CELA2B: variants seen among roughly 807,000 people sequenced by gnomAD.
CELA2B encodes chymotrypsin-like elastase family member 2B.
Under a neutral mutation model 36.5 loss-of-function variants are expected in CELA2B, and 27 were observed. That is an observed-to-expected ratio of 0.74 (90% CI 0.55 to 1.02). The LOEUF (loss-of-function observed/expected upper bound fraction) is 1.02, where lower values mean the gene tolerates loss of function less well. CELA2B is among the 50% of genes least tolerant of loss of function. The pLI is 0.00. For missense variants in CELA2B, 340 were observed against 347.8 expected (o/e 0.98, Z 0.18); for synonymous variants, 143 against 148.5 (o/e 0.96, Z 0.27).
chr1:15,476,398 A>G (rs1708670471), intron 1 of CELA2B, 59 bp from the exon 2 acceptor site: 21 of 1,531,034 alleles, frequency 1.4e-5, no homozygotes, highest in Non-Finnish European at 1.8e-5. Flanking sequence ...TGCAGCATGT[A>G]TAGTTTACAT....
At chr1:15,482,700 C>T (rs894842827) in intron 4 of CELA2B, among the ~76,000 whole-genome samples, 15 of 152,276 alleles carry the variant, frequency 9.9e-5, no homozygotes, top group Non-Finnish European at 1.5e-4. Flanking sequence ...ACAGTGCTGT[C>T]GACCCTGTGA....
chr1:15,482,297 A>G lies in CELA2B; in HGVS notation c.260A>G (p.Gln87Arg), dbSNP rs1399260652. The G allele has an allele frequency of 1.2e-6, 2 of 1,614,040 alleles. No homozygotes were observed. The highest frequency in any genetic ancestry group is 1.7e-5 in the Admixed American group (1 of 60,016). ...GGGATCTACCGCGTGATGCTGGGCC[A>G]GCATAACCTCTACGTTGCAGAGTCC... is the stretch of plus-strand genomic sequence containing the variant. The part of the protein sequence containing the change: ...SSGIYRVMLG[Q>R]HNLYVAESGS... The change falls in exon 4 of 8, where the codon CAG becomes CGG. Residue 87 changes from glutamine (Q) to arginine (R), a missense_variant. Gln to Arg is a conservative substitution (Grantham distance 43, BLOSUM62 1). Coordinates refer to ENST00000375910, the MANE Select transcript of CELA2B (RefSeq NM_015849.3).
intron 7 of CELA2B, among the ~76,000 whole-genome samples, chr1:15,490,448 C>T (rs1374543735): frequency 6.6e-6 from 1 of 152,146 alleles, no homozygotes; most frequent in African/African-American, 2.4e-5. Flanking sequence ...TTCATGTTTC[C>T]TATTTTTCAC....
Position 15,487,293 on chromosome 1 carries a change from C to T in CELA2B, c.648C>T (p.Ser216=), listed in dbSNP as rs1009016274. 6.8e-6 allele frequency: 11 copies of T among 1,614,082 alleles called. No homozygotes were observed. The highest frequency in any genetic ancestry group is 2.7e-5 in the African/African-American group (2 of 74,958). The part of the protein sequence containing the change: ...DGVICTCNGD[S]GGPLNCQASD... ...ACTCTGGCCTTCCTCAGGGAGACTC[C>T]GGTGGGCCGCTGAACTGTCAGGCAT... The change falls in exon 7 of 8, where the codon TCC becomes TCT. Residue 216 remains serine, a synonymous_variant. Transcript: ENST00000375910.
intron 5 of CELA2B, among the ~76,000 whole-genome samples, chr1:15,484,129 T>C (rs12130370): frequency 0.53 from 80,874 of 151,882 alleles, 22,491 homozygotes; most frequent in African/African-American, 0.7. Context: ...CAGCATTTCC[T>C]CTGTGACCTG....
At chr1:15,488,950 A>T (rs1352212016) in intron 7 of CELA2B, among the ~76,000 whole-genome samples, 3 of 152,220 alleles carry the variant, frequency 2.0e-5, no homozygotes, top group Non-Finnish European at 2.9e-5. Context: ...TTGGAAAAAA[A>T]TGGAAAATCA....
intron 4 of CELA2B, 118 bp from the exon 5 acceptor site, chr1:15,483,146 G>A (rs577560545): frequency 3.3e-5 from 49 of 1,493,228 alleles, no homozygotes; most frequent in South Asian, 6.4e-5. Flanking sequence ...GGGCCCTGCC[G>A]GTCAGAGCAA....
Position 15,481,213 on chromosome 1 carries a change from G to C in CELA2B, c.227+18G>C, listed in dbSNP as rs1467459922. 1.2e-6 allele frequency: 2 copies of C among 1,614,014 alleles called. No individual in the cohort carries two copies. The highest frequency in any genetic ancestry group is 2.7e-5 in the African/African-American group (2 of 74,926). ...TGCATCAGGTAACTGCCATTCCCTG[G>C]GCGCTTGGCCTGCTCACCAGCCGGT... On this transcript the variant is annotated intron_variant, in intron 3 of 7. Coordinates refer to ENST00000375910, the MANE Select transcript of CELA2B (RefSeq NM_015849.3).
intron 7 of CELA2B, chr1:15,491,043 T>C (rs1260146570): frequency 1.1e-5 from 6 of 524,572 alleles, no homozygotes; most frequent in South Asian, 2.7e-5. Context: ...GAAGGCCCCC[T>C]GACCTGAAGC....
At chr1:15,486,589 T>A (rs777016600) in intron 6 of CELA2B, among the ~76,000 whole-genome samples, 9 of 152,338 alleles carry the variant, frequency 5.9e-5, no homozygotes, top group Non-Finnish European at 8.8e-5. Context: ...CATCAAGGTC[T>A]CTCGTGACTG....
chr1:15,490,895 C>A, intron 7 of CELA2B: 1 of 201,014 alleles, frequency 5.0e-6, no homozygotes, highest in Non-Finnish European at 1.0e-5. Flanking sequence ...TTAACAGATA[C>A]TGATCAACAG....
chr1:15,486,451 C>T (rs929647072), intron 6 of CELA2B, among the ~76,000 whole-genome samples: 1 of 152,128 alleles, frequency 6.6e-6, no homozygotes, highest in Non-Finnish European at 1.5e-5. Flanking sequence ...TGCACTCCAG[C>T]CTGGGTGACA....
chr1:15,480,243 T>A (rs1379971953), intron 2 of CELA2B, among the ~76,000 whole-genome samples: 1 of 152,120 alleles, frequency 6.6e-6, no homozygotes, highest in Non-Finnish European at 1.5e-5. Flanking sequence ...GGAGACGGCC[T>A]CACTCTGTCA....
rs1207988787 is a variant in CELA2B at position 15,487,448 on chromosome 1, G to A, written c.792+11G>A. 1 of 1,613,936 alleles carries A rather than the reference G, an allele frequency of 6.2e-7. No homozygotes were observed. Among genetic ancestry groups the A allele is most frequent in the African/African-American group, 1.3e-5 (1 of 74,932 alleles). ...GACTGGATCAATTCGGTAAGAACCG[G>A]AGCAGCCCTGAGCCCCAAGGCACTG... is the stretch of plus-strand genomic sequence containing the variant. On this transcript the variant is annotated intron_variant, in intron 7 of 7. Transcript: ENST00000375910.
Position 15,482,287 on chromosome 1 carries a change from A to G in CELA2B, c.250A>G (p.Met84Val), listed in dbSNP as rs1197317185. 4.3e-6 allele frequency: 7 copies of G among 1,613,974 alleles called. No homozygotes were observed. Among genetic ancestry groups the G allele is most frequent in the African/African-American group, 2.7e-5 (2 of 75,022 alleles). Residue 84 changes from methionine to valine, a missense_variant, in exon 4 of 8, where the codon ATG becomes GTG. Transcript: ENST00000375910. The stretch of plus-strand genomic sequence containing the variant: ...CAGCTCCTCCGGGATCTACCGCGTG[A>G]TGCTGGGCCAGCATAACCTCTACGT... ...CISSSGIYRVMLGQHNLYVAE... is the reference protein window; with the variant it reads ...CISSSGIYRVVLGQHNLYVAE...
rs1340921513 is a variant in CELA2B at position 15,491,317 on chromosome 1, AAG to A, written c.*7_*8del. ...CAGGTGATTGCAAATAACTAACCAA[AAG>A]AAGTCCCTGGGACTGTTTCAGACTT... On this transcript the variant is annotated 3_prime_UTR_variant, in exon 8 of 8. Transcript: ENST00000375910. The A allele has an allele frequency of 6.2e-7, 1 of 1,613,986 alleles. No individual in the cohort carries two copies. Among genetic ancestry groups the A allele is most frequent in the Non-Finnish European group, 8.5e-7 (1 of 1,180,006 alleles).
chr1:15,487,050 T>G (rs996459485), intron 6 of CELA2B, among the ~76,000 whole-genome samples: 1 of 152,156 alleles, frequency 6.6e-6, no homozygotes, highest in African/African-American at 2.4e-5. Flanking sequence ...ATTTACCTCA[T>G]AGGATTTTGT....
In CELA2B at chr1:15,476,467, T is replaced by C. The variant is rs28421187; in HGVS notation, c.51T>C (p.Cys17=). ...TTTCTCTTTTCACAGCCCTCAGTTG[T>C]GGGGTCTCCACTTACGCGCCTGATA... is the stretch of plus-strand genomic sequence containing the variant. The part of the protein sequence containing the change: ...LSTLVAGALS[C]GVSTYAPDMS... Residue 17 remains cysteine (C), a synonymous_variant, in exon 2 of 8, where the codon TGT becomes TGC. Coordinates refer to ENST00000375910, the MANE Select transcript of CELA2B (RefSeq NM_015849.3). 1.0e-4 allele frequency: 167 copies of C among 1,613,952 alleles called. No homozygotes were observed. Among genetic ancestry groups the C allele is most frequent in the Non-Finnish European group, 1.4e-4 (164 of 1,179,986 alleles).
At chr1:15,488,447 A>C (rs1368734179) in intron 7 of CELA2B, among the ~76,000 whole-genome samples, 1 of 152,160 alleles carries the variant, frequency 6.6e-6, no homozygotes, top group East Asian at 1.9e-4. Flanking sequence ...ATACACACAG[A>C]AGTAGATGAA....
Sources: gnomAD v4.1 joint callset for allele counts (sites outside exome capture counted in the v4.1 genomes callset) on GRCh38, gnomAD v4.1.1 for gene constraint, MANE v1.5 for transcripts, NCBI Gene and HGNC (gene_info 2026-07-23, HGNC 2026-07-21) for gene names.